Variants in SYT9 observed in about 807,000 individuals in gnomAD.
SYT9 encodes synaptotagmin-9.
Under a neutral mutation model 48.4 loss-of-function variants are expected in SYT9, and 22 were observed. The ratio of observed to expected loss-of-function variants is 0.45; its 90% CI spans 0.32 to 0.65. SYT9 has a LOEUF of 0.65. Among genes scored for constraint, SYT9 ranks in the 30% least tolerant of loss-of-function variants. SYT9 has a pLI of 0.03. For synonymous variants in SYT9, 265 were observed against 245.0 expected, an observed-to-expected ratio of 1.08 and a Z score of -0.76; for missense variants, 577 against 622.0, an observed-to-expected ratio of 0.93 and a Z score of 0.77.
intron 3 of SYT9, 149 bp downstream of exon 3, chr11:7,314,090 G>A (rs1366416802): frequency 1.1e-6 from 1 of 873,114 alleles, no homozygotes; most frequent in African/African-American, 1.7e-5. Context: ...TACCTTTTCA[G>A]AAACAGGGTT....
chr11:7,274,667 C>T (rs1012197158), intron 1 of SYT9, among the ~76,000 whole-genome samples: 10 of 152,160 alleles, frequency 6.6e-5, no homozygotes, highest in Non-Finnish European at 1.0e-4. Flanking sequence ...TCTTCCTATA[C>T]AGCTGGGCCC....
intron 6 of SYT9, among the ~76,000 whole-genome samples, chr11:7,458,763 G>A (rs1421146851): frequency 6.6e-6 from 1 of 152,204 alleles, no homozygotes; most frequent in Non-Finnish European, 1.5e-5. Flanking sequence ...AGAAAAAAGA[G>A]AGAGAAGTAG....
At chr11:7,428,081 C>T (rs972976921) in intron 6 of SYT9, 5 of 152,172 alleles carry the variant, frequency 3.3e-5, no homozygotes, top group Admixed American at 3.3e-4. Context: ...TAGGCATTTT[C>T]TCATCTTTGT....
At chr11:7,434,552 C>T (rs1039367902) in intron 6 of SYT9, among the ~76,000 whole-genome samples, 1 of 152,156 alleles carries the variant, frequency 6.6e-6, no homozygotes, top group Non-Finnish European at 1.5e-5. Flanking sequence ...GCTGGACTCA[C>T]TTTGGCACAC....
intron 3 of SYT9, among the ~76,000 whole-genome samples, chr11:7,412,960 C>T (rs377023237): frequency 1.3e-5 from 2 of 152,316 alleles, no homozygotes; most frequent in East Asian, 3.9e-4. Flanking sequence ...ATGGCATGCT[C>T]AAGTACTGAG....
intron 1 of SYT9, among the ~76,000 whole-genome samples, chr11:7,240,633 A>G (rs187806967): frequency 3.9e-5 from 6 of 152,370 alleles, no homozygotes; most frequent in Admixed American, 2.6e-4. Context: ...AAATTCACAA[A>G]TAACATTATA....
chr11:7,342,291 G>A (rs1849727367), intron 3 of SYT9, among the ~76,000 whole-genome samples: 1 of 152,126 alleles, frequency 6.6e-6, no homozygotes, highest in Non-Finnish European at 1.5e-5. Context: ...ACTCATCTGA[G>A]ACAAGGCAAG....
intron 6 of SYT9, among the ~76,000 whole-genome samples, chr11:7,432,837 T>G (rs528385024): frequency 3.6e-4 from 55 of 151,746 alleles, no homozygotes; most frequent in Non-Finnish European, 6.2e-4. Flanking sequence ...GACTTTGGAC[T>G]TTGAACTTCT....
chr11:7,377,647 G>A (rs11600462), intron 3 of SYT9, among the ~76,000 whole-genome samples: 38,215 of 152,060 alleles, frequency 0.25, 6,163 homozygotes, highest in East Asian at 0.62. Flanking sequence ...CCTTCCACAA[G>A]GGTGGAAACA....
At chr11:7,376,495 A>G (rs1440052235) in intron 3 of SYT9, among the ~76,000 whole-genome samples, 1 of 152,030 alleles carries the variant, frequency 6.6e-6, no homozygotes, top group Non-Finnish European at 1.5e-5. Flanking sequence ...TGTGGAAAGA[A>G]GAGCAGATTC....
At chr11:7,366,946 T>C (rs1316648577) in intron 3 of SYT9, among the ~76,000 whole-genome samples, 1 of 151,844 alleles carries the variant, frequency 6.6e-6, no homozygotes, top group Non-Finnish European at 1.5e-5. Flanking sequence ...AATATACACA[T>C]AGTAAACTTA....
At chr11:7,406,543 T>C (rs1207157932) in intron 3 of SYT9, among the ~76,000 whole-genome samples, 6 of 49,822 alleles carry the variant, frequency 1.2e-4, no homozygotes, top group Admixed American at 3.5e-4. Flanking sequence ...CGCATATATA[T>C]ATATATATAT....
intron 1 of SYT9, among the ~76,000 whole-genome samples, chr11:7,257,277 C>A (rs1847990544): frequency 6.6e-6 from 1 of 152,144 alleles, no homozygotes; most frequent in Non-Finnish European, 1.5e-5. Flanking sequence ...GTGCCCATAT[C>A]AACTGATTCT....
In SYT9 at chr11:7,252,075, A is replaced by G. The variant is rs1589886155; in HGVS notation, c.-112A>G. ...GCTCAGGCTCGCACCGTTTCTCGGC[A>G]GGTCCCTGGCGGTGAGCGCGGACGG... On this transcript the variant is annotated 5_prime_UTR_variant, in exon 1 of 7. Transcript: ENST00000318881. This position sits in a 1 kb window ranked among gnomAD's most constrained non-coding sequence, Gnocchi z 6.3. 3.3e-6 allele frequency: 4 copies of G among 1,215,626 alleles called. No individual in the cohort carries two copies. Among genetic ancestry groups the G allele is most frequent in the Non-Finnish European group, 2.1e-6 (2 of 946,958 alleles). 75.3% of individuals were successfully genotyped at this position (1,215,626 alleles called of 1,614,324 possible).
intron 6 of SYT9, among the ~76,000 whole-genome samples, chr11:7,422,359 T>C (rs1459216226): frequency 2.0e-5 from 3 of 152,102 alleles, no homozygotes; most frequent in African/African-American, 7.2e-5. Flanking sequence ...TTCTTAAGGA[T>C]AGTTCTGCCC....
At chr11:7,373,765 A>T (rs72856450) in intron 3 of SYT9, among the ~76,000 whole-genome samples, 49 of 152,148 alleles carry the variant, frequency 3.2e-4, no homozygotes, top group Non-Finnish European at 6.0e-4. Flanking sequence ...GTTTGGAAGC[A>T]CCTGGAGGGT....
intron 3 of SYT9, among the ~76,000 whole-genome samples, chr11:7,385,959 AAT>A (rs1379720391): frequency 4.6e-5 from 7 of 152,194 alleles, no homozygotes. Flanking sequence ...AAGTCTGGGA[AAT>A]ATCTTCACAA....
At position 7,463,180 on chromosome 11, in the gene SYT9, G is replaced by A. The variant is rs78350906; in HGVS notation, c.1468-3612G>A. ...TCATAACAAGGACACTGCTGCTTCT[G>A]CCCATGGAAATGGGGCTGGCACCAG... On this transcript the variant is annotated intron_variant, in intron 6 of 6. Transcript: ENST00000318881. Among the ~76,000 whole-genome samples the A allele has an allele frequency of 5.1e-4, 78 of 152,166 alleles. No homozygotes were observed. The East Asian group carries it at 0.013, about 26-fold the overall frequency.
rs147796060 is a variant in SYT9 at position 7,284,534 on chromosome 11, G to A, written c.146-18505G>A. Among the ~76,000 whole-genome samples the A allele has an allele frequency of 4.6e-4, 70 of 151,852 alleles. No individual in the cohort carries two copies. The East Asian group carries it at 0.013, about 29-fold the overall frequency. ...ATCATGTTCTCTTAGTATATTAAAG[G>A]GATTGTTTCATAGGCTTCTAGCATT... On this transcript the variant is annotated intron_variant, in intron 1 of 6. Transcript: ENST00000318881.
Sources: gnomAD v4.1 joint callset for allele counts (sites outside exome capture counted in the v4.1 genomes callset) on GRCh38, gnomAD v4.1.1 for gene constraint, Gnocchi (gnomAD v3.1) non-coding constraint, MANE v1.5 for transcripts, NCBI Gene and HGNC (gene_info 2026-07-23, HGNC 2026-07-21) for gene names.